NSRP1: variants seen among roughly 807,000 people sequenced by gnomAD.
NSRP1 encodes nuclear speckle splicing regulatory protein 1.
A neutral mutation model predicts 54.7 loss-of-function variants in NSRP1; 24 were observed. The ratio of observed to expected loss-of-function variants is 0.44; its 90% confidence interval spans 0.32 to 0.62. The LOEUF is 0.62. Among genes scored for constraint, NSRP1 ranks in the 20% least tolerant of loss-of-function variants. The pLI is 0.06. For synonymous variants in NSRP1, 210 were observed against 213.8 expected (o/e 0.98, Z 0.15); for missense variants, 596 against 651.2 (o/e 0.92, Z 0.92).
At chr17:30,124,321 T>G (rs984495184) in intron 2 of NSRP1, among the ~76,000 whole-genome samples, 1 of 152,208 alleles carries the variant, frequency 6.6e-6, no homozygotes, top group Admixed American at 6.5e-5. Flanking sequence ...TTGAGAAGGA[T>G]GGGTTTACAC....
chr17:30,122,351 T>TATATATA (rs1567788455), intron 2 of NSRP1: 6 of 48,318 alleles, frequency 1.2e-4, no homozygotes, highest in African/African-American at 4.9e-4. Context: ...AACTCTGGTT[T>TATATATA]CATATATATA....
chr17:30,179,209 A>G lies in NSRP1; in HGVS notation c.420A>G (p.Lys140=). ...TGGAAAAGGGGGAGTTTGATGATAA[A>G]GAAGCATTTGTGACATCTGCATATA... ...REMEKGEFDD[K]EAFVTSAYKK... Residue 140 remains lysine (K), a synonymous_variant, in exon 5 of 7, where the codon AAA becomes AAG. Transcript: ENST00000247026. 4.3e-6 allele frequency: 7 copies of G among 1,612,106 alleles called. No homozygotes were observed. The highest frequency in any genetic ancestry group is 5.9e-6 in the Non-Finnish European group (7 of 1,178,918).
chr17:30,185,218 A>G lies in NSRP1; in HGVS notation c.1221A>G (p.Lys407=), dbSNP rs1051365528. The change falls in exon 7 of 7, where the codon AAA becomes AAG. Residue 407 remains lysine (K), a synonymous_variant. Transcript: ENST00000247026. ...ATGATCAGAACCGACCCAGTGAGAA[A>G]GGAGAGAAGGAAGAGAAAAGCAAAG... ...QQNDQNRPSE[K]GEKEEKSKAK... is the part of the protein sequence containing the mutation. The G allele has an allele frequency of 6.3e-6, 10 of 1,575,658 alleles. No homozygotes were observed. The highest frequency in any genetic ancestry group is 7.8e-6 in the Non-Finnish European group (9 of 1,160,548).
chr17:30,154,565 T>A (rs2071943784), intron 2 of NSRP1: 1 of 151,382 alleles, frequency 6.6e-6, no homozygotes, highest in African/African-American at 2.4e-5. Context: ...ACTAAAAAAT[T>A]ACCTGTGTGT....
chr17:30,179,391 T>C, intron 5 of NSRP1, 94 bp downstream of exon 5: 1 of 1,406,202 alleles, frequency 7.1e-7, no homozygotes, highest in Non-Finnish European at 9.3e-7. Context: ...TTTAGGGTTA[T>C]GAGTTTGTGA....
chr17:30,124,790 G>A (rs1010681153), intron 2 of NSRP1, among the ~76,000 whole-genome samples: 2 of 152,184 alleles, frequency 1.3e-5, no homozygotes, highest in Admixed American at 6.5e-5. Flanking sequence ...ATTTCTTAGT[G>A]AACGGAATAT....
At chr17:30,150,244 C>T (rs2071893722) in intron 2 of NSRP1, 1 of 151,922 alleles carries the variant, frequency 6.6e-6, no homozygotes, top group Non-Finnish European at 1.5e-5. Flanking sequence ...CCATGCCTGG[C>T]TAATTTTTGT....
At position 30,140,787 on chromosome 17, in the gene NSRP1, C is replaced by A. The variant is rs542409760; in HGVS notation, c.114+22614C>A. ...TCGTGATCCGCACTCCTTGGCCGCC[C>A]AAAGTGGTGGGATTACAGGTGTGAG... On this transcript the variant is annotated intron_variant, in intron 2 of 6. Coordinates refer to ENST00000247026, the MANE Select transcript of NSRP1 (RefSeq NM_032141.4). 2.0e-5 allele frequency among the ~76,000 whole-genome samples: 3 copies of A among 152,144 alleles called. No individual in the cohort carries two copies. In the South Asian group the frequency reaches 6.2e-4, roughly 32 times the overall value.
chr17:30,179,507 A>G lies in NSRP1; in HGVS notation c.508+210A>G, dbSNP rs562303785. Among the ~76,000 whole-genome samples, 30 of 152,352 alleles carry G rather than the reference A, an allele frequency of 2.0e-4. No homozygotes were observed. In the South Asian group the frequency reaches 5.8e-3, roughly 29 times the overall value. On this transcript the variant is annotated intron_variant, in intron 5 of 6. Transcript: ENST00000247026. ...AAAAACACAGTTGAACTCTTCAGTAACTATTATTTCTACTAGACTTTTCTC... is the reference window on the plus strand; with the variant it reads ...AAAAACACAGTTGAACTCTTCAGTAGCTATTATTTCTACTAGACTTTTCTC...
intron 2 of NSRP1, chr17:30,163,189 T>TTGTGTGTGTGTGTG (rs35702441): frequency 3.2e-4 from 39 of 121,606 alleles, no homozygotes; most frequent in African/African-American, 6.8e-4. Context: ...CCGGCTAATT[T>TTGTGTGTGTGTGTG]TGTGTGTGTG....
At position 30,180,837 on chromosome 17, in the gene NSRP1, T is replaced by A. The variant is rs1049576687; in HGVS notation, c.509-71T>A. On this transcript the variant is annotated intron_variant, in intron 5 of 6. Coordinates refer to ENST00000247026, the MANE Select transcript of NSRP1 (RefSeq NM_032141.4). ...AGTTTACACACTGTATGTTATATAC[T>A]GTATGTCTGTAAAATGAAACTGCAC... 1.4e-5 allele frequency: 13 copies of A among 947,746 alleles called. No homozygotes were observed. The African/African-American group carries it at 2.4e-4, about 17-fold the overall frequency. 58.7% of individuals were successfully genotyped at this position (947,746 alleles called of 1,614,324 possible). A position where few individuals can be genotyped will look rare whatever the true frequency, so the allele number is the denominator to read the frequency against.
At chr17:30,129,049 C>G (rs751161134) in intron 2 of NSRP1, among the ~76,000 whole-genome samples, 4 of 150,814 alleles carry the variant, frequency 2.7e-5, no homozygotes, top group Non-Finnish European at 4.4e-5. Flanking sequence ...TGAGCCACCA[C>G]GCCTGGCATG....
At chr17:30,122,783 G>T (rs1238228828) in intron 2 of NSRP1, 2 of 151,836 alleles carry the variant, frequency 1.3e-5, no homozygotes, top group Admixed American at 6.6e-5. Flanking sequence ...GTGTATGAGG[G>T]TTTTGACACT....
At chr17:30,170,890 C>T (rs1287416062) in intron 2 of NSRP1, among the ~76,000 whole-genome samples, 1 of 152,200 alleles carries the variant, frequency 6.6e-6, no homozygotes, top group African/African-American at 2.4e-5. Context: ...CCTACATCTG[C>T]ACCAGCAGTA....
At chr17:30,164,015 GTA>G (rs1291788579) in intron 2 of NSRP1, among the ~76,000 whole-genome samples, 6 of 151,544 alleles carry the variant, frequency 4.0e-5, no homozygotes, top group African/African-American at 1.5e-4. Flanking sequence ...CTTATAATGT[GTA>G]TGTGTGTGTG....
chr17:30,164,540 T>C (rs558257029), intron 2 of NSRP1, among the ~76,000 whole-genome samples: 1 of 152,302 alleles, frequency 6.6e-6, no homozygotes, highest in South Asian at 2.1e-4. Context: ...CTTATGCCTA[T>C]AATCCCAGCA....
At chr17:30,160,250 G>GT (rs953057636) in intron 2 of NSRP1, among the ~76,000 whole-genome samples, 32 of 152,074 alleles carry the variant, frequency 2.1e-4, no homozygotes, top group African/African-American at 7.2e-4. Flanking sequence ...ATGGCCTGTA[G>GT]TTTTTTTGTT....
At chr17:30,177,127 G>C (rs554668971) in intron 3 of NSRP1, among the ~76,000 whole-genome samples, 41 of 152,210 alleles carry the variant, frequency 2.7e-4, no homozygotes, top group African/African-American at 8.9e-4. Flanking sequence ...CCAGCACTTT[G>C]GGGGGCGCTG....
intron 6 of NSRP1, among the ~76,000 whole-genome samples, chr17:30,181,857 G>T (rs547506661): frequency 6.6e-6 from 1 of 151,754 alleles, no homozygotes; most frequent in Non-Finnish European, 1.5e-5. Context: ...TGATCCACCC[G>T]CCTCGGCCTC....
Sources: allele counts gnomAD v4.1 joint callset (sites outside exome capture counted in the v4.1 genomes callset), GRCh38; gene constraint gnomAD v4.1.1; transcripts MANE v1.5; gene names NCBI Gene and HGNC (gene_info 2026-07-23, HGNC 2026-07-21).